The following CSMD3 variants were observed in gnomAD, a reference collection of about 807,000 sequenced individuals.
CSMD3 encodes the protein CUB and Sushi multiple domains 3.
CSMD3 carries 177 observed loss-of-function variants against 435.2 expected under a neutral mutation model. The ratio of observed to expected loss-of-function variants is 0.41; its 90% confidence interval spans 0.36 to 0.46. CSMD3 has a LOEUF of 0.46. CSMD3 is among the 20% of genes least tolerant of loss of function. The probability of loss-of-function intolerance (pLI) is 0.34; values close to 1 mark genes in which losing one functional copy is unlikely to be tolerated. For synonymous variants in CSMD3, 1,656 were observed against 1,520.5 expected (o/e 1.09, Z -2.07); for missense variants, 4,265 against 4,504.6 (o/e 0.95, Z 1.52).
At chr8:112,310,776 A>C in intron 50 of CSMD3, 1 of 667,610 alleles carries the variant, frequency 1.5e-6, no homozygotes. Flanking sequence ...TTGCATAACA[A>C]TAATGAATAA....
chr8:112,656,291 T>G lies in CSMD3; in HGVS notation c.2867A>C (p.Asn956Thr), dbSNP rs770224638. 6 of 1,613,606 alleles carry G rather than the reference T, an allele frequency of 3.7e-6. No individual in the cohort carries two copies. In the South Asian group the frequency reaches 6.6e-5, roughly 18 times the overall value. ...YDVLEVHDGPNLLSPLLGSYN... is the reference protein window; with the variant it reads ...YDVLEVHDGPTLLSPLLGSYN... ...AGATCCAAGCAAGGGTGACAGAAGA[T>G]TTGGCCCATCATGAACTTCCAGAAC... Residue 956 changes from asparagine (N) to threonine (T), a missense_variant, in exon 18 of 71, where the codon AAT (asparagine) becomes ACT (threonine). Coordinates refer to ENST00000297405, the MANE Select transcript of CSMD3 (RefSeq NM_198123.2).
chr8:112,881,592 T>C (rs1241263014), intron 10 of CSMD3, among the ~76,000 whole-genome samples: 1 of 152,046 alleles, frequency 6.6e-6, no homozygotes, highest in Non-Finnish European at 1.5e-5. Context: ...TAGGTAGATT[T>C]ACTGTTTTCT....
intron 4 of CSMD3, among the ~76,000 whole-genome samples, chr8:113,132,138 A>C (rs562213475): frequency 6.6e-6 from 1 of 152,266 alleles, no homozygotes; most frequent in East Asian, 1.9e-4. Flanking sequence ...GGAAGTAACA[A>C]ACTTGCTTTT....
chr8:113,087,862 T>G (rs1468610703), intron 5 of CSMD3, among the ~76,000 whole-genome samples: 2 of 151,908 alleles, frequency 1.3e-5, no homozygotes, highest in South Asian at 4.1e-4. Flanking sequence ...ACAAATGGGA[T>G]CTAATTAAAC....
intron 41 of CSMD3, among the ~76,000 whole-genome samples, chr8:112,345,799 C>T (rs979999916): frequency 5.3e-5 from 8 of 151,922 alleles, no homozygotes; most frequent in African/African-American, 1.9e-4. Flanking sequence ...AATTTCAAAA[C>T]ATCATGTTGT....
At chr8:113,305,083 T>C (rs1286171072) in intron 2 of CSMD3, among the ~76,000 whole-genome samples, 2 of 143,994 alleles carry the variant, frequency 1.4e-5, no homozygotes, top group African/African-American at 5.2e-5. Flanking sequence ...TTCTCACTCA[T>C]AGGTGGGAAC....
chr8:113,402,926 T>C (rs2094516405), intron 1 of CSMD3, among the ~76,000 whole-genome samples: 1 of 151,198 alleles, frequency 6.6e-6, no homozygotes, highest in Non-Finnish European at 1.5e-5. Context: ...AGGGAACATG[T>C]TTTGGTTCTG....
intron 13 of CSMD3, among the ~76,000 whole-genome samples, chr8:112,767,560 T>C (rs556702781): frequency 6.6e-6 from 1 of 151,880 alleles, no homozygotes; most frequent in Non-Finnish European, 1.5e-5. Flanking sequence ...TAATAATACC[T>C]ACCCCAGTAG....
At chr8:112,604,089 T>C (rs947984331) in intron 22 of CSMD3, among the ~76,000 whole-genome samples, 1 of 152,172 alleles carries the variant, frequency 6.6e-6, no homozygotes, top group Non-Finnish European at 1.5e-5. Context: ...TGTTTAACAT[T>C]TTTCAAACTG....
At chr8:112,255,506 CA>C (rs986644050) in intron 61 of CSMD3, 79 bp from the exon 62 acceptor site, 1 of 1,216,964 alleles carries the variant, frequency 8.2e-7, no homozygotes, top group Non-Finnish European at 1.2e-6. Context: ...TGGTGACAAT[CA>C]ATTTGAATAT....
At chr8:112,311,468 A>G (rs978388317) in intron 49 of CSMD3, among the ~76,000 whole-genome samples, 1 of 152,176 alleles carries the variant, frequency 6.6e-6, no homozygotes, top group African/African-American at 2.4e-5. Flanking sequence ...ACAAATATCT[A>G]ACTGAATTTT....
Position 112,475,007 on chromosome 8 carries a change from T to C in CSMD3, c.5279-2300A>G, listed in dbSNP as rs1818901895. On this transcript the variant is annotated intron_variant, in intron 31 of 70. Transcript: ENST00000297405. Reference sequence around the variant, plus strand: ...GGTGTTATTCTTATTTCAGCACTGATAACTTCATTCAACTGATAATGCTAC... The same window carrying C: ...GGTGTTATTCTTATTTCAGCACTGACAACTTCATTCAACTGATAATGCTAC... Among the ~76,000 whole-genome samples the C allele has an allele frequency of 2.6e-5, 4 of 152,310 alleles. No homozygotes were observed. The South Asian group carries it at 8.3e-4, about 32-fold the overall frequency.
chr8:112,612,904 ATT>A lies in CSMD3; in HGVS notation c.3715+23911_3715+23912del, dbSNP rs35820843. Among the ~76,000 whole-genome samples, 95 of 29,588 alleles carry A rather than the reference ATT, an allele frequency of 3.2e-3. 1 individual carries two copies. The highest frequency in any genetic ancestry group is 9.2e-3 in the African/African-American group (42 of 4,550). 19.4% of individuals were successfully genotyped at this position (29,588 alleles called of 152,430 possible). On this transcript the variant is annotated intron_variant, in intron 22 of 70. Coordinates refer to ENST00000297405, the MANE Select transcript of CSMD3 (RefSeq NM_198123.2). ...CCATACGTGGCTAATTATTATTATT[ATT>A]TTTTTTTTGAGAGACAGAGGAGTGC...
At chr8:112,332,372 T>A (rs568676493) in intron 45 of CSMD3, among the ~76,000 whole-genome samples, 2 of 152,182 alleles carry the variant, frequency 1.3e-5, no homozygotes, top group South Asian at 4.1e-4. Flanking sequence ...ACCAAGAGTA[T>A]TTATGATGGA....
intron 4 of CSMD3, among the ~76,000 whole-genome samples, chr8:113,165,736 A>C (rs1163196723): frequency 6.6e-6 from 1 of 152,204 alleles, no homozygotes; most frequent in African/African-American, 2.4e-5. Flanking sequence ...GTTTAAAATA[A>C]GAATGATAGA....
At chr8:112,629,211 A>AT (rs1440197403) in intron 22 of CSMD3, among the ~76,000 whole-genome samples, 1 of 147,146 alleles carries the variant, frequency 6.8e-6, no homozygotes, top group Admixed American at 6.8e-5. Context: ...ATTATTATTT[A>AT]TTTTTTTAGA....
At chr8:113,000,317 A>G (rs1212852492) in intron 6 of CSMD3, among the ~76,000 whole-genome samples, 6 of 152,168 alleles carry the variant, frequency 3.9e-5, no homozygotes, top group South Asian at 4.1e-4. Flanking sequence ...GATATGATTA[A>G]TTGTAAAAGA....
intron 38 of CSMD3, among the ~76,000 whole-genome samples, chr8:112,365,896 C>T (rs1353156499): frequency 6.6e-6 from 1 of 152,136 alleles, no homozygotes; most frequent in Non-Finnish European, 1.5e-5. Context: ...CTAGACATCT[C>T]AACTGATTCA....
At chr8:112,893,957 A>G (rs1472460159) in intron 10 of CSMD3, among the ~76,000 whole-genome samples, 1 of 109,984 alleles carries the variant, frequency 9.1e-6, no homozygotes, top group Admixed American at 1.1e-4. Flanking sequence ...GAAATGGGCT[A>G]CAAAGGCACT....
Sources: allele counts gnomAD v4.1 joint callset (sites outside exome capture counted in the v4.1 genomes callset), GRCh38; gene constraint gnomAD v4.1.1; transcripts MANE v1.5; gene names NCBI Gene and HGNC (gene_info 2026-07-23, HGNC 2026-07-21).